The following ZP4 variants were observed in gnomAD, a reference collection of about 807,000 sequenced individuals.
ZP4 encodes zona pellucida sperm-binding protein 4.
In ZP4, 62 loss-of-function variants were observed where a neutral mutation model predicts 62.3. The ratio of observed to expected loss-of-function variants is 0.99; its 90% CI spans 0.81 to 1.23. ZP4 has a LOEUF of 1.23. Ranked by LOEUF, ZP4 falls within the 50% of genes most tolerant of loss-of-function variation. ZP4 has a pLI of 0.00. For synonymous variants in ZP4, 289 were observed against 247.3 expected (o/e 1.17, Z -1.58); for missense variants, 774 against 656.0 (o/e 1.18, Z -1.97).
rs369780427 is a variant in ZP4 at position 237,887,287 on chromosome 1, C to T, written c.741+87G>A. 3.2e-4 allele frequency: 468 copies of T among 1,470,634 alleles called. 1 individual carries two copies. The highest frequency in any genetic ancestry group is 1.3e-3 in the Middle Eastern group (7 of 5,558). The allele number at this position is 1,470,634 out of a possible 1,614,324, so 91.1% of individuals were successfully genotyped here. A position where few individuals can be genotyped will look rare whatever the true frequency, so the allele number is the denominator to read the frequency against. On this transcript the variant is annotated intron_variant, in intron 5 of 11. Transcript: ENST00000366570. ...AAGTAGTAGTCACAAGTATCGTTCA[C>T]GGCCAACATATTTCAGCTCTCCCCC...
rs1665078262 is a variant in ZP4 at position 237,885,485 on chromosome 1, T to C, written c.1066A>G (p.Thr356Ala). 2.5e-6 allele frequency: 4 copies of C among 1,614,020 alleles called. No homozygotes were observed. In the South Asian group the frequency reaches 4.4e-5, roughly 18 times the overall value. The change falls in exon 8 of 12, where the codon ACA (threonine) becomes GCA (alanine). Residue 356 changes from threonine (T) to alanine (A), a missense_variant. Transcript: ENST00000366570. ...AGGAGCAGCCCCAGGTAGGGGTCTG[T>C]TCTGTGAAGGATGGAGACCTCCACG... ...IYVEVSILHR[T>A]DPYLGLLLQQ...
At position 237,882,448 on chromosome 1, in the gene ZP4, T is replaced by C. The variant is rs368627614; in HGVS notation, c.1597A>G (p.Ser533Gly). The change falls in exon 12 of 12, where the codon AGT (serine) becomes GGT (glycine). Residue 533 changes from serine to glycine, a missense_variant. By Grantham distance (56) the Ser-to-Gly change is moderately conservative. Coordinates refer to ENST00000366570, the MANE Select transcript of ZP4 (RefSeq NM_021186.5). Reference protein sequence around the residue: ...VSYLAVKKQKSCPDQMCQ With the variant: ...VSYLAVKKQKGCPDQMCQ The stretch of plus-strand genomic sequence containing the variant: ...TATTGACACATTTGGTCTGGGCAAC[T>C]CTTCTGTTTCTTGACAGCCAAGTAG... 4.3e-6 allele frequency: 7 copies of C among 1,611,142 alleles called. No homozygotes were observed. The highest frequency in any genetic ancestry group is 5.1e-6 in the Non-Finnish European group (6 of 1,179,410).
chr1:237,882,874 C>A, intron 10 of ZP4, 28 bp from the exon 11 acceptor site: 2 of 1,598,844 alleles, frequency 1.3e-6, no homozygotes, highest in South Asian at 1.1e-5. Flanking sequence ...CCTAGTAATT[C>A]ATTAGTTTTT....
rs772939424 is a variant in ZP4 at position 237,890,656 on chromosome 1, C to T, written c.-21G>A. Reference sequence around the variant, plus strand: ...CACATAATGCTACCAGGAGTTCCTGCCGGCTGCAGACTCTCCGCCTCCTCT... The same window carrying T: ...CACATAATGCTACCAGGAGTTCCTGTCGGCTGCAGACTCTCCGCCTCCTCT... On this transcript the variant is annotated 5_prime_UTR_variant, in exon 1 of 12. Transcript: ENST00000366570. 4.4e-5 allele frequency: 71 copies of T among 1,604,198 alleles called. 1 individual carries two copies. In the Admixed American group the frequency reaches 1.0e-3, roughly 24 times the overall value.
chr1:237,890,860 A>G lies in ZP4; in HGVS notation c.-225T>C, dbSNP rs1571937024. ...TCACATTAAATACCACAATCCAGGCAGACTTCAGAGCCCAAGAAAAATGTA... is the reference window on the plus strand; with the variant it reads ...TCACATTAAATACCACAATCCAGGCGGACTTCAGAGCCCAAGAAAAATGTA... On this transcript the variant is annotated 5_prime_UTR_variant, in exon 1 of 12. Coordinates refer to ENST00000366570, the MANE Select transcript of ZP4 (RefSeq NM_021186.5). 1 of 443,880 alleles carries G rather than the reference A, an allele frequency of 2.3e-6. No homozygotes were observed. The highest frequency in any genetic ancestry group is 3.6e-5 in the East Asian group (1 of 27,488). 27.5% of individuals were successfully genotyped at this position (443,880 alleles called of 1,614,324 possible).
Position 237,890,109 on chromosome 1 carries a change from TG to T in ZP4, c.242del (p.Pro81GlnfsTer53). On this transcript the variant is annotated frameshift_variant, in exon 2 of 12. Coordinates refer to ENST00000366570, the MANE Select transcript of ZP4 (RefSeq NM_021186.5). LOFTEE classifies it high-confidence loss of function. ...TTGCCTCCAACACCACGGAGCTGCC[TG>T]GACCTTTTCTTATCCAGGTGCCACA... ...SDCGTWIRKG[P>X]GSSVVLEATY... The T allele has an allele frequency of 6.2e-6, 10 of 1,614,140 alleles. No individual in the cohort carries two copies. The highest frequency in any genetic ancestry group is 8.5e-6 in the Non-Finnish European group (10 of 1,179,990).
rs1665157088 is a variant in ZP4, at chr1:237,888,377, G to A, written c.534C>T (p.Ser178=). The A allele has an allele frequency of 6.3e-7, 1 of 1,586,360 alleles. No individual in the cohort carries two copies. Among genetic ancestry groups the A allele is most frequent in the Non-Finnish European group, 8.6e-7 (1 of 1,160,010 alleles). ...GCCYSSEEVN[S]CYYGNTVTLH... Reference sequence around the variant, plus strand: ...ACTCACCAGTGTTTCCATAGTAGCAGGAATTCACCTCTTCAGAGCTATAAC... The same window carrying A: ...ACTCACCAGTGTTTCCATAGTAGCAAGAATTCACCTCTTCAGAGCTATAAC... The change falls in exon 4 of 12, where the codon TCC becomes TCT. Residue 178 remains serine (S), a synonymous_variant. Coordinates refer to ENST00000366570, the MANE Select transcript of ZP4 (RefSeq NM_021186.5).
intron 10 of ZP4, among the ~76,000 whole-genome samples, chr1:237,883,544 G>A (rs1664964374): frequency 6.7e-6 from 1 of 149,326 alleles, no homozygotes. Flanking sequence ...GTGAATCCCT[G>A]TCTCTACCAA....
intron 6 of ZP4, 150 bp downstream of exon 6, chr1:237,886,621 C>T (rs1665108152): frequency 1.6e-6 from 1 of 617,768 alleles, no homozygotes; most frequent in Non-Finnish European, 2.8e-6. Flanking sequence ...CACAGATGGA[C>T]CTAATCAAGT....
At position 237,884,008 on chromosome 1, in the gene ZP4, AC is replaced by A. The variant is rs1665023961; in HGVS notation, c.1390+760del. ...AACACACACACACACACACACACAC[AC>A]ACACACAAACACACACACACACAAA... On this transcript the variant is annotated intron_variant, in intron 10 of 11. Transcript: ENST00000366570. 5.7e-3 allele frequency among the ~76,000 whole-genome samples: 452 copies of A among 78,836 alleles called. 3 individuals are homozygous for A. The highest frequency in any genetic ancestry group is 7.3e-3 in the Non-Finnish European group (285 of 39,274). 51.7% of individuals were successfully genotyped at this position (78,836 alleles called of 152,430 possible).
Position 237,886,835 on chromosome 1 carries a change from G to T in ZP4, c.775C>A (p.Leu259Met). 6.2e-7 allele frequency: 1 copy of T among 1,614,058 alleles called. No individual in the cohort carries two copies. The highest frequency in any genetic ancestry group is 8.5e-7 in the Non-Finnish European group (1 of 1,179,990). Residue 259 changes from leucine (L) to methionine (M), a missense_variant, in exon 6 of 12, where the codon CTG becomes ATG. Transcript: ENST00000366570. ...TGDRAVYENE[L>M]VATRDVKNGS... ...TTTTTCACATCCCTAGTTGCCACCA[G>T]TTCATTTTCATATACTGCTCGGTCT...
In ZP4 at chr1:237,890,043, G is replaced by A; in HGVS notation, c.297+12C>T. On this transcript the variant is annotated intron_variant, in intron 2 of 11. Transcript: ENST00000366570. Reference sequence around the variant, plus strand: ...CTTCACACAGTCTCCCTGGCCATTGGGTCATACTCACCCACTCAGTGACAT... The same window carrying A: ...CTTCACACAGTCTCCCTGGCCATTGAGTCATACTCACCCACTCAGTGACAT... 6.2e-7 allele frequency: 1 copy of A among 1,614,092 alleles called. No homozygotes were observed. Among genetic ancestry groups the A allele is most frequent in the Non-Finnish European group, 8.5e-7 (1 of 1,180,026 alleles).
rs1558531160 is a variant in ZP4, at chr1:237,884,027, CACACAAACACACACAAACACACACAA to C, written c.1390+716_1390+741del. On this transcript the variant is annotated intron_variant, in intron 10 of 11. Transcript: ENST00000366570. The stretch of plus-strand genomic sequence containing the variant: ...ACACACACACACACAAACACACACA[CACACAAACACACACAAACACACACAA>C]ACACACACAAACACACACAAACACA... 6.4e-4 allele frequency among the ~76,000 whole-genome samples: 54 copies of C among 84,154 alleles called. 1 individual carries two copies. The highest frequency in any genetic ancestry group is 2.1e-3 in the African/African-American group (40 of 18,612). The allele number at this position is 84,154 out of a possible 152,430, so 55.2% of individuals were successfully genotyped here. A position where few individuals can be genotyped will look rare whatever the true frequency, so the allele number is the denominator to read the frequency against.
intron 5 of ZP4, among the ~76,000 whole-genome samples, chr1:237,887,088 A>C (rs1361311463): frequency 6.6e-6 from 1 of 152,222 alleles, no homozygotes; most frequent in East Asian, 1.9e-4. Flanking sequence ...TAGGAGAGGC[A>C]GCTGAAGCAC....
chr1:237,887,751 G>A (rs564443433), intron 4 of ZP4, among the ~76,000 whole-genome samples, 190 bp from the exon 5 acceptor site: 4 of 152,140 alleles, frequency 2.6e-5, no homozygotes, highest in African/African-American at 4.8e-5. Context: ...GTTGAGTCTT[G>A]CCTCCCTGAC....
At chr1:237,888,773 T>TG (rs770144166) in intron 3 of ZP4, among the ~76,000 whole-genome samples, 1 of 152,142 alleles carries the variant, frequency 6.6e-6, no homozygotes, top group African/African-American at 2.4e-5. Context: ...TAGAAGCAGT[T>TG]GGGGGGTTTC....
intron 5 of ZP4, among the ~76,000 whole-genome samples, 196 bp from the exon 6 acceptor site, chr1:237,887,064 G>C (rs1665120423): frequency 2.0e-5 from 3 of 152,138 alleles, no homozygotes. Flanking sequence ...GGAATAAGAA[G>C]GAATTTGAGC....
At position 237,885,110 on chromosome 1, in the gene ZP4, T is replaced by C. The variant is rs1426254080; in HGVS notation, c.1311+55A>G. 3.8e-6 allele frequency: 6 copies of C among 1,587,448 alleles called. No homozygotes were observed. The East Asian group carries it at 1.1e-4, about 30-fold the overall frequency. On this transcript the variant is annotated intron_variant, in intron 9 of 11. Coordinates refer to ENST00000366570, the MANE Select transcript of ZP4 (RefSeq NM_021186.5). ...CAGAGTAGTAGGACATGGAAACAGTTGTAAGTTGGGGAGGTTCAGAGCCCT... is the reference window on the plus strand; with the variant it reads ...CAGAGTAGTAGGACATGGAAACAGTCGTAAGTTGGGGAGGTTCAGAGCCCT...
At position 237,887,535 on chromosome 1, in the gene ZP4, G is replaced by A. The variant is rs781619413; in HGVS notation, c.580C>T (p.His194Tyr). Residue 194 changes from histidine to tyrosine, a missense_variant, in exon 5 of 12, where the codon CAT becomes TAT. By Grantham distance (83) the His-to-Tyr change is moderately conservative (BLOSUM62 2). Coordinates refer to ENST00000366570, the MANE Select transcript of ZP4 (RefSeq NM_021186.5). ...TVTLHCTREG[H>Y]FSIAVSRNVT... ...TTCCGAGACACAGCAATAGAGAAAT[G>A]GCCCTCTCGGGTACAATGCAAGGTC... is the stretch of plus-strand genomic sequence containing the variant. 6 of 1,614,120 alleles carry A rather than the reference G, an allele frequency of 3.7e-6. No homozygotes were observed. Among genetic ancestry groups the A allele is most frequent in the Non-Finnish European group, 5.1e-6 (6 of 1,179,982 alleles).
Sources: allele counts gnomAD v4.1 joint callset (sites outside exome capture counted in the v4.1 genomes callset), GRCh38; gene constraint gnomAD v4.1.1; transcripts MANE v1.5; gene names NCBI Gene and HGNC (gene_info 2026-07-23, HGNC 2026-07-21).